The following PTPRO variants were observed in gnomAD, a reference collection of about 807,000 sequenced individuals.
PTPRO encodes protein tyrosine phosphatase receptor type O.
PTPRO carries 62 observed loss-of-function variants against 145.2 expected under a neutral mutation model. That is an observed-to-expected ratio of 0.43 (90% CI 0.35 to 0.53). PTPRO has a LOEUF of 0.53. Among genes scored for constraint, PTPRO ranks in the 20% least tolerant of loss-of-function variants. The probability of loss-of-function intolerance (pLI) is 0.01; values close to 1 mark genes in which losing one functional copy is unlikely to be tolerated. For synonymous variants in PTPRO, 565 were observed against 514.7 expected (o/e 1.10, Z -1.32); for missense variants, 1,345 against 1,482.7 (o/e 0.91, Z 1.53).
chr12:15,495,726 A>T (rs1025463766), intron 2 of PTPRO, among the ~76,000 whole-genome samples: 1 of 152,172 alleles, frequency 6.6e-6, no homozygotes, highest in Non-Finnish European at 1.5e-5. Flanking sequence ...AGGCAGAAAC[A>T]GAGAAGATTT....
At chr12:15,378,585 A>G (rs1426936036) in intron 1 of PTPRO, among the ~76,000 whole-genome samples, 1 of 152,128 alleles carries the variant, frequency 6.6e-6, no homozygotes, top group East Asian at 1.9e-4. Flanking sequence ...TCCAGGCCCA[A>G]TGGCTTTATG....
At chr12:15,368,079 A>G (rs1938417250) in intron 1 of PTPRO, among the ~76,000 whole-genome samples, 1 of 152,192 alleles carries the variant, frequency 6.6e-6, no homozygotes, top group African/African-American at 2.4e-5. Flanking sequence ...ATTCAGGGGA[A>G]ATGTCACTAC....
chr12:15,386,380 G>T (rs1276681852), intron 1 of PTPRO, among the ~76,000 whole-genome samples: 3 of 152,062 alleles, frequency 2.0e-5, no homozygotes, highest in Non-Finnish European at 4.4e-5. Context: ...AAATTTTAAT[G>T]AATAATATTA....
chr12:15,343,973 C>T (rs1371284578), intron 1 of PTPRO, among the ~76,000 whole-genome samples: 1 of 152,184 alleles, frequency 6.6e-6, no homozygotes, highest in Non-Finnish European at 1.5e-5. Flanking sequence ...CGTGAGCCAC[C>T]GCGCCCGGCC....
chr12:15,504,993 C>T (rs1176355776), intron 6 of PTPRO, among the ~76,000 whole-genome samples: 7 of 152,154 alleles, frequency 4.6e-5, no homozygotes, highest in Admixed American at 3.3e-4. Flanking sequence ...TTATCAGATG[C>T]GTAGAAAGGG....
At chr12:15,487,310 A>G (rs1941909371) in intron 2 of PTPRO, among the ~76,000 whole-genome samples, 1 of 152,178 alleles carries the variant, frequency 6.6e-6, no homozygotes, top group African/African-American at 2.4e-5. Context: ...CAGTGGTAGC[A>G]GAACCACTGA....
At chr12:15,432,067 G>A (rs1056998502) in intron 1 of PTPRO, among the ~76,000 whole-genome samples, 3 of 152,006 alleles carry the variant, frequency 2.0e-5, no homozygotes, top group Non-Finnish European at 4.4e-5. Flanking sequence ...TCATGTCATG[G>A]GGGTTTATTG....
rs1008496818 is a variant in PTPRO, at chr12:15,580,631, G to A, written c.2998-66G>A. The A allele has an allele frequency of 5.0e-6, 8 of 1,604,470 alleles. No homozygotes were observed. The African/African-American group carries it at 1.1e-4, about 21-fold the overall frequency. ...GTAAGTTTTCAGTTTTTTTCCCATAGGCGTGAAGCAGCATTTGGTGTTGAC... is the reference window on the plus strand; with the variant it reads ...GTAAGTTTTCAGTTTTTTTCCCATAAGCGTGAAGCAGCATTTGGTGTTGAC... On this transcript the variant is annotated intron_variant, in intron 21 of 26. Coordinates refer to ENST00000281171, the MANE Select transcript of PTPRO (RefSeq NM_030667.3).
intron 1 of PTPRO, among the ~76,000 whole-genome samples, chr12:15,448,145 A>G (rs1940949603): frequency 6.6e-6 from 1 of 152,012 alleles, no homozygotes; most frequent in African/African-American, 2.4e-5. Context: ...TTTAGCCTAT[A>G]AGATATCAAA....
chr12:15,418,550 G>A (rs1940047020), intron 1 of PTPRO, among the ~76,000 whole-genome samples: 1 of 151,726 alleles, frequency 6.6e-6, no homozygotes, highest in South Asian at 2.1e-4. Flanking sequence ...GACAAGGAAG[G>A]TTTTATGAGG....
chr12:15,497,160 G>A (rs901060336), intron 2 of PTPRO, 85 bp from the exon 3 acceptor site: 42 of 1,265,786 alleles, frequency 3.3e-5, no homozygotes, highest in Non-Finnish European at 4.3e-5. Context: ...TCTGGTAGGT[G>A]TAATCCTTGC....
At chr12:15,420,006 G>A (rs1940092576) in intron 1 of PTPRO, among the ~76,000 whole-genome samples, 3 of 151,376 alleles carry the variant, frequency 2.0e-5, no homozygotes, top group African/African-American at 7.4e-5. Flanking sequence ...AATTAGCTGG[G>A]CGCGGTGGCG....
At chr12:15,444,971 G>T (rs936054637) in intron 1 of PTPRO, among the ~76,000 whole-genome samples, 3 of 151,966 alleles carry the variant, frequency 2.0e-5, no homozygotes, top group South Asian at 2.1e-4. Context: ...CTCTCAATGG[G>T]TTCTATAATT....
At chr12:15,528,853 A>G (rs1412162932) in intron 12 of PTPRO, among the ~76,000 whole-genome samples, 1 of 152,150 alleles carries the variant, frequency 6.6e-6, no homozygotes, top group South Asian at 2.1e-4. Flanking sequence ...CATGAGGAAG[A>G]ACATTTTTAC....
intron 1 of PTPRO, among the ~76,000 whole-genome samples, chr12:15,463,703 C>T (rs1017835278): frequency 6.6e-6 from 1 of 152,206 alleles, no homozygotes; most frequent in Non-Finnish European, 1.5e-5. Context: ...TTCTCTCCAT[C>T]TGATTCCTCC....
intron 1 of PTPRO, among the ~76,000 whole-genome samples, chr12:15,477,208 G>A (rs1941673809): frequency 1.0e-5 from 1 of 100,074 alleles, no homozygotes; most frequent in African/African-American, 4.0e-5. Flanking sequence ...GTAGGGACAT[G>A]GATGAAATTG....
intron 1 of PTPRO, among the ~76,000 whole-genome samples, chr12:15,376,264 T>A (rs1041229222): frequency 6.6e-6 from 1 of 152,086 alleles, no homozygotes; most frequent in African/African-American, 2.4e-5. Context: ...TGATTTCTCA[T>A]CAGAAATCAG....
chr12:15,586,260 A>G (rs1944427258), intron 23 of PTPRO, among the ~76,000 whole-genome samples: 1 of 152,186 alleles, frequency 6.6e-6, no homozygotes, highest in South Asian at 2.1e-4. Context: ...ATTGACAGAG[A>G]AGAAGCCCTA....
chr12:15,525,105 G>C (rs1942810453), intron 11 of PTPRO, 140 bp downstream of exon 11: 3 of 1,026,816 alleles, frequency 2.9e-6, no homozygotes. Context: ...ATAAGACAGT[G>C]AACAAAAATT....
Sources: gnomAD v4.1 joint callset for allele counts (sites outside exome capture counted in the v4.1 genomes callset) on GRCh38, gnomAD v4.1.1 for gene constraint, MANE v1.5 for transcripts, NCBI Gene and HGNC (gene_info 2026-07-23, HGNC 2026-07-21) for gene names.